Variants in ADGRF1 observed in about 807,000 individuals in gnomAD.
ADGRF1 encodes the protein adhesion G protein-coupled receptor F1.
Under a neutral mutation model 87.2 loss-of-function variants are expected in ADGRF1, and 85 were observed. The observed-to-expected ratio is 0.97, with a 90% CI of 0.82 to 1.17. The LOEUF (loss-of-function observed/expected upper bound fraction) is 1.17, where lower values mean the gene tolerates loss of function less well. Ranked by LOEUF, ADGRF1 falls within the 50% of genes most tolerant of loss-of-function variation. ADGRF1 has a pLI of 0.00. For synonymous variants in ADGRF1, 430 were observed against 408.8 expected, an observed-to-expected ratio of 1.05 and a Z score of -0.63; for missense variants, 1,169 against 1,077.2, an observed-to-expected ratio of 1.09 and a Z score of -1.19.
At chr6:47,037,933 T>A (rs1419110399) in intron 1 of ADGRF1, among the ~76,000 whole-genome samples, 1 of 152,216 alleles carries the variant, frequency 6.6e-6, no homozygotes, top group African/African-American at 2.4e-5. Flanking sequence ...CAATCTCTGC[T>A]TACTGCACCC....
Position 47,009,265 on chromosome 6 carries a change from T to G in ADGRF1, c.2170A>C (p.Ser724Arg), listed in dbSNP as rs1779622071. 2 of 1,614,028 alleles carry G rather than the reference T, an allele frequency of 1.2e-6. No homozygotes were observed. The highest frequency in any genetic ancestry group is 1.6e-4 in the Middle Eastern group (1 of 6,084). ...SVITIAVTQP[S>R]NTYKRKDVCW... The stretch of plus-strand genomic sequence containing the variant: ...ACATCTTTCCTTTTGTAGGTATTGC[T>G]AGGTTGCGTGACAGCAATGGTAATG... Residue 724 changes from serine (S) to arginine (R), a missense_variant, in exon 11 of 15, where the codon AGC (serine) becomes CGC (arginine). Transcript: ENST00000371253.
intron 7 of ADGRF1, chr6:47,020,339 A>T (rs1359828892): frequency 1.1e-6 from 1 of 882,528 alleles, no homozygotes; most frequent in Non-Finnish European, 1.6e-6. Flanking sequence ...CTAAAAATAC[A>T]AAAAAAGTTA....
rs1779813048 is a variant in ADGRF1 at position 47,014,722 on chromosome 6, T to C, written c.886A>G (p.Arg296Gly). 9 of 1,613,720 alleles carry C rather than the reference T, an allele frequency of 5.6e-6. No homozygotes were observed. The highest frequency in any genetic ancestry group is 1.3e-5 in the African/African-American group (1 of 74,908). ...KCESSGWQVI[R>G]ETCVLSLLEE... ...AGCAGAGAGAGCACACAAGTCTCCCTGATGACCTGCCACCCAGAGGACTCA... is the reference window on the plus strand; with the variant it reads ...AGCAGAGAGAGCACACAAGTCTCCCCGATGACCTGCCACCCAGAGGACTCA... The change falls in exon 9 of 15, where the codon AGG (arginine) becomes GGG (glycine). Residue 296 changes from arginine to glycine, a missense_variant. Coordinates refer to ENST00000371253, the MANE Select transcript of ADGRF1 (RefSeq NM_153840.4).
chr6:47,022,798 T>C (rs1056365726), intron 5 of ADGRF1, among the ~76,000 whole-genome samples: 20 of 140,618 alleles, frequency 1.4e-4, no homozygotes, highest in Non-Finnish European at 2.1e-4. Context: ...CTTTCTTTTC[T>C]TTTTTCTTTT....
chr6:47,037,821 G>A (rs921818263), intron 1 of ADGRF1, among the ~76,000 whole-genome samples: 1 of 151,994 alleles, frequency 6.6e-6, no homozygotes, highest in Non-Finnish European at 1.5e-5. Flanking sequence ...CCCCATTATG[G>A]ATTTTAAACT....
Position 47,000,303 on chromosome 6 carries a change from G to C in ADGRF1, c.2660-8C>G. 4 of 1,565,164 alleles carry C rather than the reference G, an allele frequency of 2.6e-6. No homozygotes were observed. Among genetic ancestry groups the C allele is most frequent in the Non-Finnish European group, 3.5e-6 (4 of 1,149,338 alleles). On this transcript the variant is annotated splice_polypyrimidine_tract_variant and splice_region_variant and intron_variant, in intron 14 of 14. Coordinates refer to ENST00000371253, the MANE Select transcript of ADGRF1 (RefSeq NM_153840.4). ...GAGAAAATGCATAATGGCCTGAAGG[G>C]GAAAAAAAAAGGAAATAATTATTGT... is the stretch of plus-strand genomic sequence containing the variant.
At chr6:47,015,448 T>C in intron 8 of ADGRF1, among the ~76,000 whole-genome samples, 1 of 152,068 alleles carries the variant, frequency 6.6e-6, no homozygotes, top group Non-Finnish European at 1.5e-5. Context: ...TGCACTCTTG[T>C]TGCCCAGGCT....
intron 1 of ADGRF1, among the ~76,000 whole-genome samples, chr6:47,037,617 G>A (rs772598375): frequency 6.6e-6 from 1 of 151,946 alleles, no homozygotes; most frequent in Non-Finnish European, 1.5e-5. Context: ...TGATCCTCTC[G>A]TCTCAGCCTC....
chr6:47,004,561 A>G (rs1182297089), intron 13 of ADGRF1, among the ~76,000 whole-genome samples: 1 of 152,134 alleles, frequency 6.6e-6, no homozygotes, highest in Non-Finnish European at 1.5e-5. Flanking sequence ...AAGGAGAAAA[A>G]TTTTGACTTT....
At chr6:47,034,114 C>T (rs1780516546) in intron 1 of ADGRF1, among the ~76,000 whole-genome samples, 1 of 152,138 alleles carries the variant, frequency 6.6e-6, no homozygotes, top group Non-Finnish European at 1.5e-5. Flanking sequence ...CATGTTTGTA[C>T]CTCTTCCGTG....
chr6:47,021,624 G>C (rs975064245), intron 6 of ADGRF1, among the ~76,000 whole-genome samples: 18 of 152,190 alleles, frequency 1.2e-4, no homozygotes, highest in Middle Eastern at 3.4e-3. Context: ...GCCTCCCAAA[G>C]TACTGGGATT....
intron 7 of ADGRF1, chr6:47,018,374 C>A (rs944271686): frequency 9.5e-6 from 12 of 1,258,056 alleles, no homozygotes; most frequent in Non-Finnish European, 1.1e-5. Flanking sequence ...TTATTAATTA[C>A]TAATTGATCG....
At position 47,027,507 on chromosome 6, in the gene ADGRF1, G is replaced by A. The variant is rs112585602; in HGVS notation, c.127+197C>T. On this transcript the variant is annotated intron_variant, in intron 3 of 14. Transcript: ENST00000371253. ...CAGCTACTTGCCAGGTCTGATGTAA[G>A]ACACTGTGCTCTCATGATATTATTT... Among the ~76,000 whole-genome samples, 524 of 152,334 alleles carry A rather than the reference G, an allele frequency of 3.4e-3. 1 individual carries two copies. The highest frequency in any genetic ancestry group is 0.012 in the African/African-American group (491 of 41,580).
intron 14 of ADGRF1, among the ~76,000 whole-genome samples, chr6:47,001,158 A>G (rs1779353391): frequency 6.6e-6 from 1 of 152,258 alleles, no homozygotes; most frequent in African/African-American, 2.4e-5. Context: ...CAAAGGGGTG[A>G]TTCTCCAATA....
At chr6:47,021,845 G>A in intron 6 of ADGRF1, 113 bp downstream of exon 6, 3 of 629,314 alleles carry the variant, frequency 4.8e-6, no homozygotes, top group Non-Finnish European at 8.4e-6. Flanking sequence ...TTTGTTATTT[G>A]CTCACTGAAA....
intron 7 of ADGRF1, chr6:47,020,419 C>T: frequency 1.0e-6 from 1 of 973,790 alleles, no homozygotes; most frequent in Non-Finnish European, 1.5e-6. Context: ...TCTCTTGAAC[C>T]CGGTAGGCAG....
At chr6:47,031,331 T>TTCTCTCTCTCTCTCTCTCTCTC (rs368788829) in intron 1 of ADGRF1, among the ~76,000 whole-genome samples, 2 of 128,252 alleles carry the variant, frequency 1.6e-5, no homozygotes, top group African/African-American at 2.9e-5. Flanking sequence ...TCTCTCTCTC[T>TTCTCTCTCTCTCTCTCTCTCTC]TCTCTCTCTC....
At chr6:47,007,378 AC>A in intron 11 of ADGRF1, 84 bp from the exon 12 acceptor site, 2 of 776,302 alleles carry the variant, frequency 2.6e-6, no homozygotes, top group South Asian at 1.7e-5. Flanking sequence ...CTATTCAATC[AC>A]CCCACATTGA....
intron 1 of ADGRF1, among the ~76,000 whole-genome samples, chr6:47,040,114 A>G (rs796165025): frequency 2.6e-5 from 4 of 152,302 alleles, no homozygotes; most frequent in African/African-American, 9.6e-5. Context: ...TGTATTTGGC[A>G]ACAGCGTTTC....
Sources: allele counts gnomAD v4.1 joint callset (sites outside exome capture counted in the v4.1 genomes callset), GRCh38; gene constraint gnomAD v4.1.1; transcripts MANE v1.5; gene names NCBI Gene and HGNC (gene_info 2026-07-23, HGNC 2026-07-21).